The following SIK3 variants were observed in gnomAD, a reference collection of about 807,000 sequenced individuals.
SIK3 encodes the protein SIK family kinase 3.
In SIK3, 28 loss-of-function variants were observed where a neutral mutation model predicts 144.2. The observed-to-expected ratio is 0.19, with a 90% CI of 0.14 to 0.27. The LOEUF (loss-of-function observed/expected upper bound fraction) is 0.27, where lower values mean the gene tolerates loss of function less well. Among genes scored for constraint, SIK3 ranks in the 10% least tolerant of loss-of-function variants. SIK3 has a pLI of 1.00. For missense variants in SIK3, 1,319 were observed against 1,776.0 expected (o/e 0.74, Z 4.62); for synonymous variants, 686 against 676.3 (o/e 1.01, Z -0.22).
intron 1 of SIK3, among the ~76,000 whole-genome samples, chr11:116,995,723 G>C (rs1393236605): frequency 1.3e-5 from 2 of 152,104 alleles, no homozygotes; most frequent in African/African-American, 4.8e-5. Flanking sequence ...TTGTCTGTTA[G>C]CTCTAACTCT....
chr11:116,854,991 C>T (rs1031419781), intron 21 of SIK3, among the ~76,000 whole-genome samples: 9 of 143,358 alleles, frequency 6.3e-5, no homozygotes, highest in Admixed American at 5.9e-4. Context: ...GAGGCTGAGG[C>T]AGGAGAATCG....
chr11:117,058,613 G>A (rs151322937), intron 1 of SIK3, among the ~76,000 whole-genome samples: 33 of 152,136 alleles, frequency 2.2e-4, no homozygotes, highest in African/African-American at 7.5e-4. Context: ...CTTTTTAAAG[G>A]TCACTCTGCT....
At chr11:116,978,995 C>A (rs1950049300) in intron 1 of SIK3, among the ~76,000 whole-genome samples, 1 of 152,100 alleles carries the variant, frequency 6.6e-6, no homozygotes, top group Non-Finnish European at 1.5e-5. Flanking sequence ...CTACTATGAA[C>A]AATAATTAAA....
intron 1 of SIK3, among the ~76,000 whole-genome samples, chr11:116,980,491 C>G (rs1209122255): frequency 6.6e-6 from 1 of 152,232 alleles, no homozygotes; most frequent in Non-Finnish European, 1.5e-5. Context: ...CTGAATATTT[C>G]ATGAATACTG....
intron 1 of SIK3, among the ~76,000 whole-genome samples, chr11:116,993,265 A>T (rs554963859): frequency 2.0e-5 from 3 of 152,266 alleles, no homozygotes; most frequent in South Asian, 4.1e-4. Flanking sequence ...CTGATTTTTT[A>T]AAAAAATAAA....
intron 3 of SIK3, among the ~76,000 whole-genome samples, chr11:116,940,648 T>A (rs542603695): frequency 1.6e-4 from 25 of 152,140 alleles, no homozygotes; most frequent in Admixed American, 3.3e-4. Context: ...AATGTTTTAG[T>A]GTAAAGTGAG....
At chr11:117,013,915 G>GGGGGTGTGT (rs1206309055) in intron 1 of SIK3, among the ~76,000 whole-genome samples, 1 of 23,616 alleles carries the variant, frequency 4.2e-5, no homozygotes. Context: ...GGGGGGGGAG[G>GGGGGTGTGT]GTGTGTGTGT....
chr11:117,080,279 C>G (rs1206343952), intron 1 of SIK3, among the ~76,000 whole-genome samples: 1 of 152,152 alleles, frequency 6.6e-6, no homozygotes, highest in Non-Finnish European at 1.5e-5. Context: ...CATACACTCT[C>G]AAGCTGAGTG....
At chr11:116,946,294 C>T (rs952994232) in intron 3 of SIK3, among the ~76,000 whole-genome samples, 35 of 152,292 alleles carry the variant, frequency 2.3e-4, no homozygotes, top group Admixed American at 2.2e-3. Context: ...GCTAATAACT[C>T]AACCTGCCAC....
At chr11:117,059,569 A>G (rs1261605168) in intron 1 of SIK3, among the ~76,000 whole-genome samples, 1 of 152,218 alleles carries the variant, frequency 6.6e-6, no homozygotes, top group Non-Finnish European at 1.5e-5. Context: ...AAAGGCATAA[A>G]CAAGCCACAG....
At chr11:116,932,449 T>C (rs926241298) in intron 3 of SIK3, among the ~76,000 whole-genome samples, 1 of 152,198 alleles carries the variant, frequency 6.6e-6, no homozygotes, top group East Asian at 1.9e-4. Context: ...TGTCACTTTA[T>C]CACATGTGTA....
Position 117,031,998 on chromosome 11 carries a change from T to C in SIK3, c.273+66145A>G, listed in dbSNP as rs150292641. Among the ~76,000 whole-genome samples the C allele has an allele frequency of 3.6e-3, 553 of 152,280 alleles. 3 individuals carry two copies. The highest frequency in any genetic ancestry group is 0.013 in the African/African-American group (530 of 41,554). ...TGAGGATATCTGTATAGGTCTCTATTCTGTTATTCCTGCTTTTCTATTCTG... is the reference window on the plus strand; with the variant it reads ...TGAGGATATCTGTATAGGTCTCTATCCTGTTATTCCTGCTTTTCTATTCTG... On this transcript the variant is annotated intron_variant, in intron 1 of 24. Coordinates refer to ENST00000445177, the MANE Select transcript of SIK3 (RefSeq NM_001366686.3).
rs1192631963 is a variant in SIK3 at position 116,875,944 on chromosome 11, C to T, written c.1161G>A (p.Lys387=). ...CTCCGAGACGCAGGGTTTTATGTCT[C>T]TTATGTCGATCACACAGCAGGCTGT... is the stretch of plus-strand genomic sequence containing the variant. ...AIYSLLCDRH[K]RHKTLRLGAL... Residue 387 remains lysine, a synonymous_variant, in exon 9 of 25, where the codon AAG becomes AAA. Coordinates refer to ENST00000445177, the MANE Select transcript of SIK3 (RefSeq NM_001366686.3). 2 of 1,613,630 alleles carry T rather than the reference C, an allele frequency of 1.2e-6. No individual in the cohort carries two copies. Among genetic ancestry groups the T allele is most frequent in the Admixed American group, 1.7e-5 (1 of 59,800 alleles).
Position 116,875,387 on chromosome 11 carries a change from T to C in SIK3, c.1304A>G (p.Asn435Ser), listed in dbSNP as rs1263331437. 1.2e-6 allele frequency: 2 copies of C among 1,614,140 alleles called. No homozygotes were observed. The highest frequency in any genetic ancestry group is 1.7e-5 in the Admixed American group (1 of 60,024). Residue 435 changes from asparagine to serine, a missense_variant, in exon 10 of 25, where the codon AAC becomes AGC. Physicochemically the swap from Asn to Ser is conservative, Grantham distance 46. Around this residue, in one of 8 missense-constraint regions of SIK3, gnomAD observed 167 missense variants for 263.3 expected, o/e 0.63. Transcript: ENST00000445177. Reference sequence around the variant, plus strand: ...GTTGCTACTTGCCTCCACAATTTGGTTCTCTGGGTTGATCAGCTGCACCTG... The same window carrying C: ...GTTGCTACTTGCCTCCACAATTTGGCTCTCTGGGTTGATCAGCTGCACCTG... ...VPQVQLINPE[N>S]QIVEPDGTLN... is the part of the protein sequence containing the mutation.
At chr11:117,023,114 G>T (rs2135751334) in intron 1 of SIK3, among the ~76,000 whole-genome samples, 1 of 152,194 alleles carries the variant, frequency 6.6e-6, no homozygotes, top group African/African-American at 2.4e-5. Context: ...TTCACTTTTT[G>T]AAATAACTCC....
At chr11:116,940,010 T>C (rs1303655702) in intron 3 of SIK3, among the ~76,000 whole-genome samples, 9 of 152,200 alleles carry the variant, frequency 5.9e-5, no homozygotes. Flanking sequence ...GGCTATTACA[T>C]GATAGTAAGG....
rs1398734055 is a variant in SIK3 at position 117,023,639 on chromosome 11, T to TAC, written c.274-66576_274-66575insGT. On this transcript the variant is annotated intron_variant, in intron 1 of 24. Transcript: ENST00000445177. ...AAAAAAAAATATATATATATATATA[T>TAC]ATATATTGCACACTGCACTATGCCA... Among the ~76,000 whole-genome samples the TAC allele has an allele frequency of 1.3e-4, 19 of 144,028 alleles. 1 individual carries two copies. Among genetic ancestry groups the TAC allele is most frequent in the Non-Finnish European group, 2.4e-4 (16 of 66,520 alleles). 94.5% of individuals were successfully genotyped at this position (144,028 alleles called of 152,430 possible).
intron 1 of SIK3, among the ~76,000 whole-genome samples, chr11:117,013,915 G>GGGGGGGGT (rs1206309055): frequency 4.2e-5 from 1 of 23,618 alleles, no homozygotes; most frequent in Non-Finnish European, 1.3e-4. Flanking sequence ...GGGGGGGGAG[G>GGGGGGGGT]GTGTGTGTGT....
At chr11:117,006,930 T>C (rs1452974969) in intron 1 of SIK3, among the ~76,000 whole-genome samples, 1 of 152,178 alleles carries the variant, frequency 6.6e-6, no homozygotes, top group Non-Finnish European at 1.5e-5. Context: ...GATTTGAAAA[T>C]GATCCTAGCA....
Sources: gnomAD v4.1 joint callset for allele counts (sites outside exome capture counted in the v4.1 genomes callset) on GRCh38, gnomAD v4.1.1 for gene constraint, gnomAD v4.1.1 regional missense constraint, MANE v1.5 for transcripts, NCBI Gene and HGNC (gene_info 2026-07-23, HGNC 2026-07-21) for gene names.